JPH3: variants seen among roughly 807,000 people sequenced by gnomAD.
JPH3 encodes the protein junctophilin-3.
JPH3 carries 11 observed loss-of-function variants against 59.6 expected under a neutral mutation model. That is an observed-to-expected ratio of 0.18 (90% CI 0.12 to 0.31). The LOEUF (loss-of-function observed/expected upper bound fraction) is 0.31. JPH3 is among the 10% of genes least tolerant of loss of function. The pLI, the probability that JPH3 is intolerant of heterozygous loss-of-function variation, is 1.00. For synonymous variants in JPH3, 673 were observed against 483.6 expected (o/e 1.39, Z -5.14); for missense variants, 1,202 against 1,105.7 (o/e 1.09, Z -1.24).
At position 87,684,185 on chromosome 16, in the gene JPH3, G is replaced by A; in HGVS notation, c.1204G>A (p.Ala402Thr). 1 of 1,613,932 alleles carries A rather than the reference G, an allele frequency of 6.2e-7. No homozygotes were observed. Among genetic ancestry groups the A allele is most frequent in the South Asian group, 1.1e-5 (1 of 91,082 alleles). ...RAKAEAALTA[A>T]QKAQEEARIA... is the part of the protein sequence containing the mutation. ...AAAGGCCGAGGCAGCCCTCACAGCA[G>A]CTCAGAAAGCCCAGGAGGAGGCGCG... Residue 402 changes from alanine to threonine, a missense_variant, in exon 3 of 5, where the codon GCT becomes ACT. Ala to Thr is a moderately conservative substitution (Grantham distance 58). Coordinates refer to ENST00000284262, the MANE Select transcript of JPH3 (RefSeq NM_020655.4).
At chr16:87,661,912 C>G (rs971783618) in intron 2 of JPH3, among the ~76,000 whole-genome samples, 3 of 152,240 alleles carry the variant, frequency 2.0e-5, no homozygotes, top group Non-Finnish European at 2.9e-5. Context: ...CACGTCCCAT[C>G]TGCTGAGGGG....
At chr16:87,662,385 G>A (rs144936409) in intron 2 of JPH3, among the ~76,000 whole-genome samples, 3 of 151,588 alleles carry the variant, frequency 2.0e-5, no homozygotes, top group East Asian at 1.9e-4. Context: ...AAGGACAGCC[G>A]GATTTTCCCC....
chr16:87,659,075 G>A (rs980578561), intron 2 of JPH3, among the ~76,000 whole-genome samples: 5 of 152,286 alleles, frequency 3.3e-5, no homozygotes, highest in Admixed American at 2.0e-4. Flanking sequence ...TGGCTTTGTC[G>A]CGACGGCTGC....
At chr16:87,604,090 T>TG in intron 1 of JPH3, 1 of 1,306,264 alleles carries the variant, frequency 7.7e-7, no homozygotes, top group East Asian at 4.5e-5. Flanking sequence ...CACTTCTAGG[T>TG]GGTTGGACGC....
chr16:87,671,993 C>T (rs918501177), intron 2 of JPH3, among the ~76,000 whole-genome samples: 3 of 152,174 alleles, frequency 2.0e-5, no homozygotes, highest in African/African-American at 7.2e-5. Flanking sequence ...AGGTGCCTGA[C>T]GGGGTACGTG....
chr16:87,683,244 G>T (rs1466135185), intron 2 of JPH3, among the ~76,000 whole-genome samples: 10 of 152,196 alleles, frequency 6.6e-5, no homozygotes, highest in African/African-American at 1.7e-4. Context: ...GGGGTGGGTT[G>T]TCTGGGCTTG....
chr16:87,660,876 C>G (rs1456026123), intron 2 of JPH3, among the ~76,000 whole-genome samples: 1 of 152,214 alleles, frequency 6.6e-6, no homozygotes, highest in Non-Finnish European at 1.5e-5. Flanking sequence ...CATAGCCTAT[C>G]ATGGTTCCTC....
At chr16:87,609,395 T>C (rs768234304) in intron 1 of JPH3, among the ~76,000 whole-genome samples, 1 of 152,070 alleles carries the variant, frequency 6.6e-6, no homozygotes, top group Non-Finnish European at 1.5e-5. Context: ...GCCTCCCGAG[T>C]AGCTGGGATT....
intron 4 of JPH3, chr16:87,693,587 A>G (rs2033671270): frequency 6.6e-6 from 1 of 152,284 alleles, no homozygotes; most frequent in Non-Finnish European, 1.5e-5. Flanking sequence ...AGGCACAAGA[A>G]TTTCCAGAAC....
At chr16:87,602,320 GC>G (rs1302111968), upstream of JPH3, 4 of 144,524 alleles carry the variant, frequency 2.8e-5, no homozygotes, top group Non-Finnish European at 6.1e-5. Flanking sequence ...GGAGCGCGGG[GC>G]TGGGGGCGCG....
At position 87,672,085 on chromosome 16, in the gene JPH3, C is replaced by T. The variant is rs1023944333; in HGVS notation, c.1161-12057C>T. Among the ~76,000 whole-genome samples, 3 of 151,812 alleles carry T rather than the reference C, an allele frequency of 2.0e-5. No homozygotes were observed. In the East Asian group the frequency reaches 5.8e-4, roughly 30 times the overall value. Reference sequence around the variant, plus strand: ...CTCAACCGGGGTCTAGGCTCCTCGCCGGGCGGGGTTCACCTGCTATCCCCA... The same window carrying T: ...CTCAACCGGGGTCTAGGCTCCTCGCTGGGCGGGGTTCACCTGCTATCCCCA... On this transcript the variant is annotated intron_variant, in intron 2 of 4. Transcript: ENST00000284262.
At chr16:87,675,388 T>G (rs866075371) in intron 2 of JPH3, among the ~76,000 whole-genome samples, 66 of 152,284 alleles carry the variant, frequency 4.3e-4, no homozygotes, top group Middle Eastern at 3.4e-3. Flanking sequence ...AGCCTCCCCG[T>G]CCAGCCTTCC....
chr16:87,669,075 G>A (rs1053569743), intron 2 of JPH3, among the ~76,000 whole-genome samples: 1 of 152,240 alleles, frequency 6.6e-6, no homozygotes, highest in South Asian at 2.1e-4. Context: ...TCTCCCGGTG[G>A]CACAGGGGCG....
intron 2 of JPH3, among the ~76,000 whole-genome samples, chr16:87,668,219 C>A (rs896999282): frequency 6.6e-6 from 1 of 152,184 alleles, no homozygotes; most frequent in African/African-American, 2.4e-5. Context: ...ACCAGCCCTG[C>A]GCGGCTGCTG....
intron 1 of JPH3, among the ~76,000 whole-genome samples, chr16:87,628,526 G>A (rs888773565): frequency 2.0e-5 from 3 of 152,244 alleles, no homozygotes; most frequent in Non-Finnish European, 2.9e-5. Flanking sequence ...TTCCTACAGA[G>A]TGTGGGTTTT....
chr16:87,607,914 G>A (rs1365018563), intron 1 of JPH3, among the ~76,000 whole-genome samples: 1 of 152,240 alleles, frequency 6.6e-6, no homozygotes, highest in African/African-American at 2.4e-5. Context: ...GGCGGGTGGT[G>A]AAAGGCTCCG....
intron 1 of JPH3, among the ~76,000 whole-genome samples, chr16:87,607,868 C>T (rs1181968503): frequency 6.6e-6 from 1 of 152,232 alleles, no homozygotes; most frequent in Non-Finnish European, 1.5e-5. Context: ...GAGACGAAAG[C>T]GTTTTCTCCG....
At chr16:87,632,770 G>A (rs540758188) in intron 1 of JPH3, among the ~76,000 whole-genome samples, 1 of 152,072 alleles carries the variant, frequency 6.6e-6, no homozygotes, top group Non-Finnish European at 1.5e-5. Flanking sequence ...GTGTGCACTT[G>A]TAATCCCAGC....
chr16:87,631,682 C>T (rs1216463839), intron 1 of JPH3, among the ~76,000 whole-genome samples: 2 of 152,146 alleles, frequency 1.3e-5, no homozygotes, highest in Admixed American at 1.3e-4. Flanking sequence ...TCCTTCCCTG[C>T]TTTCTAGAAC....
Sources: allele counts gnomAD v4.1 joint callset (sites outside exome capture counted in the v4.1 genomes callset), GRCh38; gene constraint gnomAD v4.1.1; transcripts MANE v1.5; gene names NCBI Gene and HGNC (gene_info 2026-07-23, HGNC 2026-07-21).